IL1RAP: variants seen among roughly 807,000 people sequenced by gnomAD.
The protein encoded by IL1RAP is interleukin 1 receptor accessory protein, also known as interleukin-1 receptor accessory protein.
Under a neutral mutation model 60.7 loss-of-function variants are expected in IL1RAP, and 35 were observed. The observed-to-expected ratio is 0.58, with a 90% confidence interval of 0.44 to 0.76. The LOEUF is 0.76. IL1RAP is among the 30% of genes least tolerant of loss of function. IL1RAP has a pLI of 0.00. For missense variants in IL1RAP, 572 were observed against 693.9 expected (o/e 0.82, Z 1.97); for synonymous variants, 268 against 250.9 (o/e 1.07, Z -0.64).
At chr3:190,522,087 T>C (rs527309637) in intron 1 of IL1RAP, among the ~76,000 whole-genome samples, 2 of 152,220 alleles carry the variant, frequency 1.3e-5, no homozygotes, top group East Asian at 3.9e-4. Flanking sequence ...AGTAGCACTT[T>C]TCTGGAAGAT....
chr3:190,617,457 A>G (rs933724554), intron 5 of IL1RAP, among the ~76,000 whole-genome samples: 3 of 152,158 alleles, frequency 2.0e-5, no homozygotes, highest in Admixed American at 6.5e-5. Context: ...TGGTTGAAAA[A>G]TCGCTCTTCT....
chr3:190,615,356 T>C lies in IL1RAP; in HGVS notation c.538-4919T>C, dbSNP rs1408504757. Reference sequence around the variant, plus strand: ...AAACATATAGAAGTAAAGACACAGGTAATGCAGTCCTTTTGTTGTTGCTTT... The same window carrying C: ...AAACATATAGAAGTAAAGACACAGGCAATGCAGTCCTTTTGTTGTTGCTTT... On this transcript the variant is annotated intron_variant, in intron 5 of 11. Coordinates refer to ENST00000447382, the MANE Select transcript of IL1RAP (RefSeq NM_002182.4). 5.0e-6 allele frequency: 6 copies of C among 1,193,810 alleles called. No homozygotes were observed. In the East Asian group the frequency reaches 2.0e-4, roughly 39 times the overall value. 74.0% of individuals were successfully genotyped at this position (1,193,810 alleles called of 1,614,324 possible).
At chr3:190,591,450 CA>C (rs1284491228) in intron 3 of IL1RAP, among the ~76,000 whole-genome samples, 1 of 152,148 alleles carries the variant, frequency 6.6e-6, no homozygotes, top group East Asian at 1.9e-4. Flanking sequence ...ACCCATCTCT[CA>C]GACGTGTTTT....
chr3:190,546,565 G>T (rs1436355776), intron 1 of IL1RAP, among the ~76,000 whole-genome samples: 1 of 152,158 alleles, frequency 6.6e-6, no homozygotes, highest in Non-Finnish European at 1.5e-5. Flanking sequence ...ACACTTTTAG[G>T]TATTTTATAT....
intron 3 of IL1RAP, among the ~76,000 whole-genome samples, chr3:190,573,919 C>A (rs897838211): frequency 2.0e-5 from 3 of 152,152 alleles, no homozygotes; most frequent in African/African-American, 7.2e-5. Context: ...TGAAAAGCCT[C>A]ATAATTCAGA....
chr3:190,539,802 C>A lies in IL1RAP; in HGVS notation c.-88-16328C>A, dbSNP rs191251970. On this transcript the variant is annotated intron_variant, in intron 1 of 11. Transcript: ENST00000447382. Reference sequence around the variant, plus strand: ...ATTTTTTTGACATAGATAAGAACAACCCTAGTAGGGACTTGCCATTTTTAT... The same window carrying A: ...ATTTTTTTGACATAGATAAGAACAAACCTAGTAGGGACTTGCCATTTTTAT... Among the ~76,000 whole-genome samples, 609 of 151,060 alleles carry A rather than the reference C, an allele frequency of 4.0e-3. 5 individuals are homozygous for A. Among genetic ancestry groups the A allele is most frequent in the Non-Finnish European group, 6.9e-3 (469 of 67,640 alleles).
At chr3:190,600,317 T>C (rs915946713) in intron 3 of IL1RAP, among the ~76,000 whole-genome samples, 1 of 152,210 alleles carries the variant, frequency 6.6e-6, no homozygotes, top group African/African-American at 2.4e-5. Context: ...GCCCTCATCC[T>C]TGGAGCTGAG....
intron 3 of IL1RAP, among the ~76,000 whole-genome samples, chr3:190,587,524 T>C (rs1728569998): frequency 6.6e-6 from 1 of 152,208 alleles, no homozygotes; most frequent in Non-Finnish European, 1.5e-5. Context: ...TCTGACCCTA[T>C]GTCTTTGTTC....
intron 1 of IL1RAP, among the ~76,000 whole-genome samples, chr3:190,532,837 C>T (rs1197219467): frequency 6.6e-6 from 1 of 152,172 alleles, no homozygotes; most frequent in Non-Finnish European, 1.5e-5. Context: ...ACTGAGCCAG[C>T]CCATTTGCGT....
chr3:190,593,277 G>A (rs3773956), intron 3 of IL1RAP, among the ~76,000 whole-genome samples: 127,271 of 152,104 alleles, frequency 0.84, 53,543 homozygotes, highest in African/African-American at 0.92. Context: ...TGTATGCAGT[G>A]CCAGCAACAT....
At chr3:190,626,589 C>T (rs988676874) in intron 7 of IL1RAP, among the ~76,000 whole-genome samples, 1 of 151,964 alleles carries the variant, frequency 6.6e-6, no homozygotes, top group Non-Finnish European at 1.5e-5. Context: ...TCCTCAGTCA[C>T]CCTTCTTGAG....
intron 3 of IL1RAP, among the ~76,000 whole-genome samples, chr3:190,594,141 G>T (rs1178878396): frequency 6.6e-6 from 1 of 152,140 alleles, no homozygotes; most frequent in African/African-American, 2.4e-5. Flanking sequence ...TGAGCATAGG[G>T]ATTACCTGGG....
chr3:190,573,477 A>G (rs1727177183), intron 3 of IL1RAP, among the ~76,000 whole-genome samples: 1 of 152,140 alleles, frequency 6.6e-6, no homozygotes, highest in African/African-American at 2.4e-5. Context: ...TTGTGAATGG[A>G]GTAATTAGTA....
chr3:190,610,872 A>C (rs943805744), intron 5 of IL1RAP, among the ~76,000 whole-genome samples: 4 of 152,214 alleles, frequency 2.6e-5, no homozygotes, highest in Admixed American at 2.6e-4. Flanking sequence ...GAACCGAAAT[A>C]ATTTGAACCT....
chr3:190,647,899 G>A (rs981258241), intron 11 of IL1RAP, among the ~76,000 whole-genome samples: 2 of 152,136 alleles, frequency 1.3e-5, no homozygotes, highest in Non-Finnish European at 1.5e-5. Flanking sequence ...CTTTTTGAGT[G>A]TCCATTGGTA....
chr3:190,612,568 T>C (rs1427568994), intron 5 of IL1RAP, among the ~76,000 whole-genome samples: 1 of 152,204 alleles, frequency 6.6e-6, no homozygotes, highest in African/African-American at 2.4e-5. Flanking sequence ...TGTTTCAATA[T>C]TATTTTTCAC....
rs187026770 is a variant in IL1RAP at position 190,545,629 on chromosome 3, C to T, written c.-88-10501C>T. On this transcript the variant is annotated intron_variant, in intron 1 of 11. Coordinates refer to ENST00000447382, the MANE Select transcript of IL1RAP (RefSeq NM_002182.4). ...CTAACACAAACTTTTAAGGCAATGA[C>T]AAGAACATACAATGGAAATATTATG... 2.5e-4 allele frequency among the ~76,000 whole-genome samples: 38 copies of T among 152,252 alleles called. 1 individual carries two copies. Among genetic ancestry groups the T allele is most frequent in the Non-Finnish European group, 4.7e-4 (32 of 68,024 alleles).
intron 3 of IL1RAP, among the ~76,000 whole-genome samples, chr3:190,569,984 A>G (rs1238597489): frequency 6.6e-6 from 1 of 152,212 alleles, no homozygotes; most frequent in Non-Finnish European, 1.5e-5. Flanking sequence ...CCACCTTAGC[A>G]GTGACTCACT....
chr3:190,655,469 T>G (rs1463122250), downstream of IL1RAP, among the ~76,000 whole-genome samples: 6 of 152,054 alleles, frequency 3.9e-5, no homozygotes, highest in African/African-American at 1.2e-4. Context: ...GAAGAAGATT[T>G]CAAAACAAGA....
Sources: gnomAD v4.1 joint callset for allele counts (sites outside exome capture counted in the v4.1 genomes callset) on GRCh38, gnomAD v4.1.1 for gene constraint, MANE v1.5 for transcripts, NCBI Gene and HGNC (gene_info 2026-07-23, HGNC 2026-07-21) for gene names.